Variants in ROBO2 observed in about 807,000 individuals in gnomAD.
ROBO2 encodes the protein roundabout guidance receptor 2.
A neutral mutation model predicts 160.8 loss-of-function variants in ROBO2; 53 were observed. The ratio of observed to expected loss-of-function variants is 0.33; its 90% confidence interval spans 0.26 to 0.41. ROBO2 has a LOEUF of 0.41. Among genes scored for constraint, ROBO2 ranks in the 10% least tolerant of loss-of-function variants. The pLI is 1.00. For missense variants in ROBO2, 1,577 were observed against 1,722.4 expected (o/e 0.92, Z 1.49); for synonymous variants, 664 against 611.7 (o/e 1.09, Z -1.26).
intron 2 of ROBO2, among the ~76,000 whole-genome samples, chr3:77,278,781 T>C (rs1443810225): frequency 6.6e-6 from 1 of 152,146 alleles, no homozygotes; most frequent in African/African-American, 2.4e-5. Context: ...CTTTCTGTCT[T>C]GCCAGTTGTG....
chr3:76,176,569 A>T (rs1201920931), intron 2 of ROBO2, among the ~76,000 whole-genome samples: 1 of 152,162 alleles, frequency 6.6e-6, no homozygotes, highest in South Asian at 2.1e-4. Context: ...TGGAAAAAAA[A>T]TCAGAAAAGA....
chr3:76,545,755 T>C (rs1163646524), intron 2 of ROBO2, among the ~76,000 whole-genome samples: 1 of 151,956 alleles, frequency 6.6e-6, no homozygotes, highest in East Asian at 1.9e-4. Flanking sequence ...TCTTATACTT[T>C]GTCAAAAAGT....
chr3:77,454,228 G>T, intron 2 of ROBO2, among the ~76,000 whole-genome samples: 1 of 150,006 alleles, frequency 6.7e-6, no homozygotes, highest in African/African-American at 2.5e-5. Context: ...GGTTACTGTT[G>T]TTTACCAATA....
At chr3:77,274,136 T>C (rs2059676386) in intron 2 of ROBO2, among the ~76,000 whole-genome samples, 1 of 152,160 alleles carries the variant, frequency 6.6e-6, no homozygotes, top group African/African-American at 2.4e-5. Flanking sequence ...GTATAAATTT[T>C]AAACCAAAAC....
chr3:77,145,689 G>T (rs1177150107), intron 2 of ROBO2, among the ~76,000 whole-genome samples: 1 of 151,976 alleles, frequency 6.6e-6, no homozygotes, highest in Admixed American at 6.6e-5. Flanking sequence ...GATAATCGAT[G>T]GAAAGACTTG....
intron 2 of ROBO2, among the ~76,000 whole-genome samples, chr3:77,218,849 C>G (rs1406845779): frequency 1.3e-5 from 2 of 152,338 alleles, no homozygotes; most frequent in Admixed American, 6.5e-5. Context: ...TTCATTGACA[C>G]TCTACATCCA....
intron 2 of ROBO2, among the ~76,000 whole-genome samples, chr3:76,727,827 G>A (rs1402121825): frequency 6.6e-6 from 1 of 152,044 alleles, no homozygotes; most frequent in Non-Finnish European, 1.5e-5. Flanking sequence ...AAAAGTTCTC[G>A]TGTTCGATGG....
chr3:77,595,461 A>C (rs2094280322), intron 18 of ROBO2, among the ~76,000 whole-genome samples: 1 of 152,174 alleles, frequency 6.6e-6, no homozygotes, highest in Admixed American at 6.6e-5. Flanking sequence ...TATTGCATTA[A>C]TTAGACATTA....
chr3:76,913,994 GATACTCCTTTAGATGAGTTACTGTGAATA>G (rs1199450001), intron 2 of ROBO2, among the ~76,000 whole-genome samples: 1 of 151,664 alleles, frequency 6.6e-6, no homozygotes, highest in African/African-American at 2.4e-5. Flanking sequence ...AACTGTGAAT[GATACTCCTTTAGATGAGTTACTGTGAATA>G]ATACTCCTTT....
At chr3:77,214,796 A>G (rs1357207957) in intron 2 of ROBO2, among the ~76,000 whole-genome samples, 2 of 152,082 alleles carry the variant, frequency 1.3e-5, no homozygotes, top group African/African-American at 4.8e-5. Flanking sequence ...ATCTCTCAGC[A>G]TTTGCTCGTC....
At chr3:76,862,572 A>C (rs1228185179) in intron 2 of ROBO2, among the ~76,000 whole-genome samples, 1 of 152,076 alleles carries the variant, frequency 6.6e-6, no homozygotes, top group Non-Finnish European at 1.5e-5. Flanking sequence ...AAGGAATCCT[A>C]CCAAGGCTGT....
At chr3:76,752,018 A>G (rs570751552) in intron 2 of ROBO2, among the ~76,000 whole-genome samples, 12 of 152,268 alleles carry the variant, frequency 7.9e-5, no homozygotes, top group South Asian at 6.2e-4. Context: ...CACTATTCAC[A>G]ATAGCAAAGA....
intron 2 of ROBO2, among the ~76,000 whole-genome samples, chr3:76,093,381 T>G (rs1250353984): frequency 6.6e-6 from 1 of 151,694 alleles, no homozygotes; most frequent in African/African-American, 2.4e-5. Flanking sequence ...TGTTTATTCA[T>G]ACAATTTTCT....
At chr3:76,835,909 G>A (rs183856353) in intron 2 of ROBO2, among the ~76,000 whole-genome samples, 65 of 152,022 alleles carry the variant, frequency 4.3e-4, no homozygotes, top group South Asian at 8.3e-4. Context: ...TTGACACAGC[G>A]TGATTAGACA....
intron 2 of ROBO2, among the ~76,000 whole-genome samples, chr3:77,129,534 G>T (rs558823327): frequency 6.6e-6 from 1 of 152,178 alleles, no homozygotes; most frequent in African/African-American, 2.4e-5. Context: ...AAAAGTTGTC[G>T]AGATGCTTGA....
At chr3:77,415,211 G>A (rs1406143532) in intron 2 of ROBO2, among the ~76,000 whole-genome samples, 2 of 152,198 alleles carry the variant, frequency 1.3e-5, no homozygotes, top group East Asian at 3.9e-4. Flanking sequence ...TTGTCTGGGA[G>A]GTGTAGAGAA....
At chr3:76,849,783 T>G (rs1417145146) in intron 2 of ROBO2, among the ~76,000 whole-genome samples, 5 of 152,184 alleles carry the variant, frequency 3.3e-5, no homozygotes, top group Non-Finnish European at 7.4e-5. Flanking sequence ...AGCAGTATAA[T>G]ACAAAAATAT....
intron 2 of ROBO2, among the ~76,000 whole-genome samples, chr3:76,114,425 TAAAA>T (rs942022929): frequency 9.9e-5 from 15 of 152,212 alleles, no homozygotes; most frequent in African/African-American, 3.6e-4. Flanking sequence ...TAATATTAAA[TAAAA>T]AAATTATTCA....
intron 2 of ROBO2, among the ~76,000 whole-genome samples, chr3:76,646,003 A>T (rs776001067): frequency 1.3e-5 from 2 of 152,204 alleles, no homozygotes; most frequent in Non-Finnish European, 2.9e-5. Flanking sequence ...GGCATAAAAA[A>T]GGTGAGTTGG....
Sources: gnomAD v4.1 joint callset for allele counts (sites outside exome capture counted in the v4.1 genomes callset) on GRCh38, gnomAD v4.1.1 for gene constraint, MANE v1.5 for transcripts, NCBI Gene and HGNC (gene_info 2026-07-23, HGNC 2026-07-21) for gene names.